MDGA2: variants seen among roughly 807,000 people sequenced by gnomAD.
The protein encoded by MDGA2 is MAM domain containing glycosylphosphatidylinositol anchor 2.
A neutral mutation model predicts 117.8 loss-of-function variants in MDGA2; 40 were observed. That is an observed-to-expected ratio of 0.34 (90% CI 0.26 to 0.44). The LOEUF (loss-of-function observed/expected upper bound fraction) is 0.44. MDGA2 is among the 20% of genes least tolerant of loss of function. MDGA2 has a pLI of 1.00. For synonymous variants in MDGA2, 452 were observed against 439.0 expected (o/e 1.03, Z -0.37); for missense variants, 1,123 against 1,250.6 (o/e 0.90, Z 1.54).
intron 10 of MDGA2, among the ~76,000 whole-genome samples, chr14:46,905,688 G>A (rs1321466693): frequency 2.6e-5 from 4 of 151,936 alleles, no homozygotes; most frequent in African/African-American, 4.8e-5. Context: ...GATGATCTAC[G>A]TGACAGAAAA....
chr14:46,916,528 T>C (rs1161710508), intron 10 of MDGA2, among the ~76,000 whole-genome samples: 1 of 152,214 alleles, frequency 6.6e-6, no homozygotes, highest in Non-Finnish European at 1.5e-5. Context: ...AGAATACTTT[T>C]GCCCTACCAT....
At chr14:47,063,892 C>A (rs1566601711) in intron 6 of MDGA2, among the ~76,000 whole-genome samples, 1 of 151,896 alleles carries the variant, frequency 6.6e-6, no homozygotes, top group Non-Finnish European at 1.5e-5. Context: ...CATTTATTTA[C>A]CATGCAGCTA....
chr14:47,386,708 A>AT (rs1891767845), intron 1 of MDGA2, among the ~76,000 whole-genome samples: 1 of 152,140 alleles, frequency 6.6e-6, no homozygotes, highest in African/African-American at 2.4e-5. Context: ...AATAATAATA[A>AT]GAAGAAGAAT....
intron 1 of MDGA2, among the ~76,000 whole-genome samples, chr14:47,321,180 C>A (rs1316326620): frequency 6.6e-6 from 1 of 152,164 alleles, no homozygotes; most frequent in Non-Finnish European, 1.5e-5. Context: ...CACATGCACA[C>A]ACACAAAAGT....
chr14:47,079,795 A>C (rs1384083237), intron 6 of MDGA2, among the ~76,000 whole-genome samples: 3 of 128,402 alleles, frequency 2.3e-5, no homozygotes. Flanking sequence ...GCAGTGGCGC[A>C]ATCTCGGCTC....
At chr14:47,149,182 C>T (rs911967632) in intron 3 of MDGA2, among the ~76,000 whole-genome samples, 14 of 152,078 alleles carry the variant, frequency 9.2e-5, no homozygotes, top group African/African-American at 3.4e-4. Context: ...CCCAGCTAGT[C>T]AGGACGCTGA....
At chr14:47,623,140 T>C (rs1369993659) in intron 1 of MDGA2, among the ~76,000 whole-genome samples, 1 of 152,206 alleles carries the variant, frequency 6.6e-6, no homozygotes. Flanking sequence ...AGTGGGTTCC[T>C]GATAAAACGA....
rs537910534 is a variant in MDGA2, at chr14:47,540,101, C to T, written c.280+134416G>A. On this transcript the variant is annotated intron_variant, in intron 1 of 16. Transcript: ENST00000399232. ...GATCTCGGCTCACTGCAGGCTCCGC[C>T]CCCCGGGGTTCACGCCATTCATCTG... is the stretch of plus-strand genomic sequence containing the variant. Among the ~76,000 whole-genome samples the T allele has an allele frequency of 2.2e-4, 34 of 152,258 alleles. No individual in the cohort carries two copies. The South Asian group carries it at 6.4e-3, about 29-fold the overall frequency.
At chr14:47,633,721 C>A (rs533279601) in intron 1 of MDGA2, among the ~76,000 whole-genome samples, 1 of 152,270 alleles carries the variant, frequency 6.6e-6, no homozygotes, top group African/African-American at 2.4e-5. Context: ...CAGAATTCTA[C>A]TGATGCTGCT....
chr14:47,466,790 A>G (rs185131321), intron 1 of MDGA2, among the ~76,000 whole-genome samples: 2 of 152,146 alleles, frequency 1.3e-5, no homozygotes, highest in Admixed American at 1.3e-4. Context: ...TTGGATATTA[A>G]TATATTGATA....
intron 3 of MDGA2, among the ~76,000 whole-genome samples, chr14:47,172,659 C>T (rs1012114670): frequency 2.6e-5 from 4 of 152,096 alleles, no homozygotes; most frequent in African/African-American, 4.8e-5. Context: ...ACATCACCAT[C>T]ATCAAACACC....
intron 12 of MDGA2, among the ~76,000 whole-genome samples, chr14:46,874,568 A>G (rs373144242): frequency 1.3e-5 from 2 of 151,870 alleles, no homozygotes; most frequent in African/African-American, 4.8e-5. Flanking sequence ...TCAATTGGAA[A>G]ATTACCTTTA....
intron 1 of MDGA2, among the ~76,000 whole-genome samples, chr14:47,668,000 A>G (rs1021027981): frequency 2.0e-5 from 3 of 152,208 alleles, no homozygotes; most frequent in African/African-American, 7.2e-5. Context: ...GCCTTTCATC[A>G]TACCATAATA....
chr14:47,587,454 G>A (rs1258523411), intron 1 of MDGA2, among the ~76,000 whole-genome samples: 5 of 151,740 alleles, frequency 3.3e-5, no homozygotes, highest in Non-Finnish European at 7.4e-5. Flanking sequence ...ATACACCCTT[G>A]AACTGTCTAT....
rs904177817 is a variant in MDGA2 at position 47,089,539 on chromosome 14, C to T, written c.1195+7315G>A. 1.3e-4 allele frequency among the ~76,000 whole-genome samples: 20 copies of T among 152,140 alleles called. 1 individual carries two copies. In the Middle Eastern group the frequency reaches 0.02, roughly 155 times the overall value. ...TATAGGTGCGAGCTGCCACACCAGG[C>T]TAATTTCTGCAGTTTTTAGTAGAGA... On this transcript the variant is annotated intron_variant, in intron 6 of 16. Coordinates refer to ENST00000399232, the MANE Select transcript of MDGA2 (RefSeq NM_001113498.3).
At chr14:47,057,728 TTGCCCTGCCC>T (rs1210077047) in intron 7 of MDGA2, among the ~76,000 whole-genome samples, 2 of 145,532 alleles carry the variant, frequency 1.4e-5, no homozygotes, top group Admixed American at 1.4e-4. Context: ...CTGCCCTACC[TTGCCCTGCCC>T]TGCCCTGCCT....
At chr14:47,093,026 T>G (rs1218559410) in intron 6 of MDGA2, among the ~76,000 whole-genome samples, 3 of 151,908 alleles carry the variant, frequency 2.0e-5, no homozygotes, top group Admixed American at 6.6e-5. Context: ...ATAGAGAAGA[T>G]CTTCATAGCT....
At chr14:46,971,867 T>C (rs1042009058) in intron 8 of MDGA2, among the ~76,000 whole-genome samples, 6 of 152,152 alleles carry the variant, frequency 3.9e-5, no homozygotes, top group African/African-American at 1.2e-4. Context: ...ACCTCATAAA[T>C]ATGTAAAATA....
At position 47,147,548 on chromosome 14, in the gene MDGA2, C is replaced by G. The variant is rs780848015; in HGVS notation, c.596-3274G>C. On this transcript the variant is annotated intron_variant, in intron 3 of 16. Coordinates refer to ENST00000399232, the MANE Select transcript of MDGA2 (RefSeq NM_001113498.3). ...AGGTCATTCAATTTGTGCTACTCCT[C>G]GCTAGGAGACATAACCTTGGGAGGG... 4.9e-4 allele frequency among the ~76,000 whole-genome samples: 74 copies of G among 152,178 alleles called. 2 individuals are homozygous for G. Among genetic ancestry groups the G allele is most frequent in the African/African-American group, 7.2e-5 (3 of 41,440 alleles).
Sources: allele counts gnomAD v4.1 joint callset (sites outside exome capture counted in the v4.1 genomes callset), GRCh38; gene constraint gnomAD v4.1.1; transcripts MANE v1.5; gene names NCBI Gene and HGNC (gene_info 2026-07-23, HGNC 2026-07-21).